The following NELL2 variants were observed in gnomAD, a reference collection of about 807,000 sequenced individuals.
The protein encoded by NELL2 is protein kinase C-binding protein NELL2.
In NELL2, 41 loss-of-function variants were observed where a neutral mutation model predicts 109.6. The observed-to-expected ratio is 0.37, with a 90% CI of 0.29 to 0.49. NELL2 has a LOEUF of 0.49. Ranked by LOEUF, NELL2 falls within the 20% of genes least tolerant of loss-of-function variation. The pLI is 0.98. For missense variants in NELL2, 900 were observed against 1,008.3 expected, an observed-to-expected ratio of 0.89 and a Z score of 1.45; for synonymous variants, 355 against 344.7, an observed-to-expected ratio of 1.03 and a Z score of -0.33.
intron 12 of NELL2, among the ~76,000 whole-genome samples, chr12:44,694,760 T>A (rs1482147587): frequency 6.6e-6 from 1 of 152,080 alleles, no homozygotes; most frequent in African/African-American, 2.4e-5. Flanking sequence ...TTAGCAAGCC[T>A]CCCATTAGAT....
chr12:44,831,754 T>A (rs562945962), intron 2 of NELL2, among the ~76,000 whole-genome samples: 1 of 152,300 alleles, frequency 6.6e-6, no homozygotes, highest in African/African-American at 2.4e-5. Context: ...ATGTCCTCCA[T>A]GAGGAAAATG....
rs1281865668 is a variant in NELL2, at chr12:44,547,007, C to CA, written c.1664-14287dup. On this transcript the variant is annotated intron_variant, in intron 15 of 19. Coordinates refer to ENST00000429094, the MANE Select transcript of NELL2 (RefSeq NM_001145108.2). ...ATCATTGTTTCTACACATTCACACA[C>CA]AAACCTTTTTTTTAAAAGATTTATA... Among the ~76,000 whole-genome samples, 11 of 151,934 alleles carry CA rather than the reference C, an allele frequency of 7.2e-5. No homozygotes were observed. In the East Asian group the frequency reaches 1.7e-3, roughly 24 times the overall value.
At chr12:44,660,225 G>T (rs1431380748) in intron 13 of NELL2, among the ~76,000 whole-genome samples, 3 of 152,244 alleles carry the variant, frequency 2.0e-5, no homozygotes. Flanking sequence ...AGGAAAATAT[G>T]CATCTTACAA....
At chr12:44,706,967 A>G (rs1937917937) in intron 11 of NELL2, among the ~76,000 whole-genome samples, 2 of 152,232 alleles carry the variant, frequency 1.3e-5, no homozygotes, top group Non-Finnish European at 2.9e-5. Flanking sequence ...GGATGGATAC[A>G]AAAGATTATG....
intron 2 of NELL2, among the ~76,000 whole-genome samples, chr12:44,859,575 C>A (rs1017156164): frequency 2.0e-5 from 3 of 152,076 alleles, no homozygotes; most frequent in Non-Finnish European, 4.4e-5. Context: ...AGACATATCA[C>A]ACCATAAAGC....
intron 15 of NELL2, among the ~76,000 whole-genome samples, chr12:44,592,777 T>C (rs555229518): frequency 1.3e-5 from 2 of 152,356 alleles, no homozygotes; most frequent in East Asian, 3.9e-4. Flanking sequence ...TTGCTAGGGC[T>C]CTTTCCAAGG....
intron 2 of NELL2, among the ~76,000 whole-genome samples, chr12:44,873,734 A>G (rs1305565227): frequency 2.2e-5 from 2 of 90,820 alleles, no homozygotes; most frequent in Admixed American, 1.2e-4. Flanking sequence ...ACAATACAAA[A>G]CAACAACAAC....
chr12:44,602,910 C>G (rs983362273), intron 15 of NELL2, among the ~76,000 whole-genome samples: 2 of 152,042 alleles, frequency 1.3e-5, no homozygotes, highest in Non-Finnish European at 2.9e-5. Flanking sequence ...TTGGATATAA[C>G]TAGCAAGATA....
chr12:44,587,284 A>AAAAAAAAAAAAAAAAAAATATATATAT, intron 15 of NELL2, among the ~76,000 whole-genome samples: 2 of 72,220 alleles, frequency 2.8e-5, no homozygotes, highest in African/African-American at 5.1e-5. Flanking sequence ...AAAAAAAAAA[A>AAAAAAAAAAAAAAAAAAATATATATAT]ATATATATAT....
chr12:44,874,343 T>C (rs1945252229), intron 2 of NELL2, among the ~76,000 whole-genome samples: 1 of 152,208 alleles, frequency 6.6e-6, no homozygotes, highest in Non-Finnish European at 1.5e-5. Flanking sequence ...TGCCTTCATG[T>C]ATTCTTCACC....
intron 13 of NELL2, among the ~76,000 whole-genome samples, chr12:44,649,341 A>G (rs1350124970): frequency 6.6e-6 from 1 of 151,916 alleles, no homozygotes; most frequent in East Asian, 1.9e-4. Context: ...GGGTGCCCCT[A>G]CCACTACAGA....
intron 15 of NELL2, among the ~76,000 whole-genome samples, chr12:44,595,687 CGCCTCG>C: frequency 6.6e-6 from 1 of 151,480 alleles, no homozygotes; most frequent in East Asian, 1.9e-4. Flanking sequence ...ATGATCTGCC[CGCCTCG>C]GCCTCCCAAA....
At chr12:44,867,205 G>A (rs1461835243) in intron 2 of NELL2, among the ~76,000 whole-genome samples, 1 of 152,116 alleles carries the variant, frequency 6.6e-6, no homozygotes, top group Non-Finnish European at 1.5e-5. Flanking sequence ...CAATATTGCT[G>A]ACGAACAGAG....
chr12:44,686,338 A>T (rs1362964014), intron 12 of NELL2, among the ~76,000 whole-genome samples: 1 of 152,190 alleles, frequency 6.6e-6, no homozygotes, highest in East Asian at 1.9e-4. Context: ...CAAAGTTTTC[A>T]ACTTCTTTGC....
chr12:44,551,908 A>G (rs1235984940), intron 15 of NELL2, among the ~76,000 whole-genome samples: 1 of 152,170 alleles, frequency 6.6e-6, no homozygotes, highest in Non-Finnish European at 1.5e-5. Flanking sequence ...GCCTACTAGA[A>G]TCCCCTCAGA....
chr12:44,784,998 T>C (rs1000870293), intron 3 of NELL2, among the ~76,000 whole-genome samples: 3 of 152,146 alleles, frequency 2.0e-5, no homozygotes, highest in Non-Finnish European at 2.9e-5. Context: ...CTCTCACAAC[T>C]CTTATTCAAC....
chr12:44,834,525 A>C (rs576517142), intron 2 of NELL2, among the ~76,000 whole-genome samples: 2 of 151,232 alleles, frequency 1.3e-5, no homozygotes, highest in Non-Finnish European at 2.9e-5. Context: ...TACGCTATGT[A>C]CAGCAACAAA....
At chr12:44,650,440 C>T (rs1407843398) in intron 13 of NELL2, among the ~76,000 whole-genome samples, 3 of 151,948 alleles carry the variant, frequency 2.0e-5, no homozygotes, top group Non-Finnish European at 2.9e-5. Context: ...GGATTACAGG[C>T]GCCTGCCACC....
intron 5 of NELL2, among the ~76,000 whole-genome samples, chr12:44,778,862 C>T (rs1298546324): frequency 6.6e-6 from 1 of 152,104 alleles, no homozygotes; most frequent in African/African-American, 2.4e-5. Context: ...AAATAAGTTC[C>T]CAAAACACCT....
Sources: allele counts gnomAD v4.1 joint callset (sites outside exome capture counted in the v4.1 genomes callset), GRCh38; gene constraint gnomAD v4.1.1; transcripts MANE v1.5; gene names NCBI Gene and HGNC (gene_info 2026-07-23, HGNC 2026-07-21).